The following NTNG1 variants were observed in gnomAD, a reference collection of about 807,000 sequenced individuals.
NTNG1 encodes netrin-G1.
NTNG1 carries 16 observed loss-of-function variants against 54.0 expected under a neutral mutation model. The observed-to-expected ratio is 0.30, with a 90% confidence interval of 0.20 to 0.45. The LOEUF (loss-of-function observed/expected upper bound fraction) is 0.45, where lower values mean the gene tolerates loss of function less well. Ranked by LOEUF, NTNG1 falls within the 20% of genes least tolerant of loss-of-function variation. The pLI, the probability that NTNG1 is intolerant of heterozygous loss-of-function variation, is 1.00. For synonymous variants in NTNG1, 255 were observed against 263.1 expected (o/e 0.97, Z 0.30); for missense variants, 530 against 678.7 (o/e 0.78, Z 2.43).
intron 2 of NTNG1, among the ~76,000 whole-genome samples, chr1:107,305,832 C>A (rs1312940716): frequency 1.3e-5 from 2 of 152,098 alleles, no homozygotes; most frequent in Non-Finnish European, 2.9e-5. Context: ...ATATCCAGAA[C>A]TTTTTATTGT....
intron 2 of NTNG1, among the ~76,000 whole-genome samples, chr1:107,261,896 T>A (rs1177901292): frequency 6.6e-6 from 1 of 152,190 alleles, no homozygotes; most frequent in Non-Finnish European, 1.5e-5. Context: ...AAGACATCAT[T>A]TGTGAATTCC....
intron 2 of NTNG1, among the ~76,000 whole-genome samples, chr1:107,180,033 C>T (rs1656952878): frequency 6.6e-6 from 1 of 152,090 alleles, no homozygotes; most frequent in African/African-American, 2.4e-5. Flanking sequence ...CTATTGAAAC[C>T]CTTGCTTCCT....
At chr1:107,315,394 A>C (rs1178455115) in intron 2 of NTNG1, among the ~76,000 whole-genome samples, 11 of 152,164 alleles carry the variant, frequency 7.2e-5, no homozygotes, top group Non-Finnish European at 7.3e-5. Flanking sequence ...TTGAAAATGT[A>C]AATCAAATTG....
At chr1:107,265,004 C>T (rs1663637877) in intron 2 of NTNG1, among the ~76,000 whole-genome samples, 1 of 152,312 alleles carries the variant, frequency 6.6e-6, no homozygotes, top group East Asian at 1.9e-4. Flanking sequence ...GTTCACCTCC[C>T]CCCGTCAGTG....
At chr1:107,404,876 C>T (rs1673303531) in intron 4 of NTNG1, among the ~76,000 whole-genome samples, 1 of 152,146 alleles carries the variant, frequency 6.6e-6, no homozygotes, top group East Asian at 1.9e-4. Context: ...TGTCAATTCA[C>T]AGAGAATGCT....
At chr1:107,437,307 C>T (rs1173202063) in intron 7 of NTNG1, among the ~76,000 whole-genome samples, 1 of 152,054 alleles carries the variant, frequency 6.6e-6, no homozygotes, top group African/African-American at 2.4e-5. Context: ...AAATAAATGG[C>T]AAAAATCGAT....
intron 3 of NTNG1, among the ~76,000 whole-genome samples, chr1:107,335,783 T>C (rs931871766): frequency 4.6e-5 from 7 of 151,966 alleles, no homozygotes; most frequent in Non-Finnish European, 8.8e-5. Context: ...AGTGCTTCTA[T>C]ACACTAACAA....
chr1:107,265,412 T>C (rs1431952882), intron 2 of NTNG1, among the ~76,000 whole-genome samples: 1 of 152,112 alleles, frequency 6.6e-6, no homozygotes, highest in African/African-American at 2.4e-5. Flanking sequence ...TGAATTAAAA[T>C]GAGAGTCTGG....
chr1:107,211,793 A>G (rs1477556783), intron 2 of NTNG1, among the ~76,000 whole-genome samples: 3 of 152,148 alleles, frequency 2.0e-5, no homozygotes, highest in Admixed American at 6.6e-5. Flanking sequence ...TTGTTCTTTC[A>G]TTGCACCTGT....
Position 107,482,308 on chromosome 1 carries a change from A to G in NTNG1, c.*1468A>G, listed in dbSNP as rs1050500986. 3.4e-4 allele frequency: 51 copies of G among 152,196 alleles called. No homozygotes were observed. Among genetic ancestry groups the G allele is most frequent in the African/African-American group, 1.2e-3 (50 of 41,458 alleles). 9.4% of individuals were successfully genotyped at this position (152,196 alleles called of 1,614,324 possible). On this transcript the variant is annotated 3_prime_UTR_variant, in exon 8 of 8. Coordinates refer to ENST00000370068, the MANE Select transcript of NTNG1 (RefSeq NM_001113226.3). ...AGTGATTTGCAATTTGACTTTGAAT[A>G]TATTCAGACTTAAGTATTTAGAGGA...
chr1:107,439,243 GT>G (rs1675803343), intron 7 of NTNG1, among the ~76,000 whole-genome samples: 1 of 150,958 alleles, frequency 6.6e-6, no homozygotes, highest in Non-Finnish European at 1.5e-5. Context: ...TTGGGTAAAC[GT>G]GATTGAGCTA....
At chr1:107,360,165 A>G (rs534447981) in intron 3 of NTNG1, among the ~76,000 whole-genome samples, 2 of 152,288 alleles carry the variant, frequency 1.3e-5, no homozygotes, top group African/African-American at 4.8e-5. Context: ...TTTTAGGAAA[A>G]TGTTTAGTGG....
At position 107,395,478 on chromosome 1, in the gene NTNG1, T is replaced by C. The variant is rs748947197; in HGVS notation, c.1060+152T>C. The C allele has an allele frequency of 7.7e-6, 6 of 781,764 alleles. No homozygotes were observed. In the Admixed American group the frequency reaches 1.0e-4, roughly 13 times the overall value. 48.4% of individuals were successfully genotyped at this position (781,764 alleles called of 1,614,324 possible). A position where few individuals can be genotyped will look rare whatever the true frequency, so the allele number is the denominator to read the frequency against. The stretch of plus-strand genomic sequence containing the variant: ...AAGTTTCAGTCCCTATCTTACCTCA[T>C]GTAGACATCTTTTAGCACTCTGATC... On this transcript the variant is annotated intron_variant, in intron 4 of 7. Coordinates refer to ENST00000370068, the MANE Select transcript of NTNG1 (RefSeq NM_001113226.3).
chr1:107,369,376 A>G (rs978671188), intron 3 of NTNG1, among the ~76,000 whole-genome samples: 1 of 152,176 alleles, frequency 6.6e-6, no homozygotes, highest in African/African-American at 2.4e-5. Context: ...AGTGTATGAG[A>G]GTTCCAGTTC....
chr1:107,141,450 G>A (rs1376447393), intron 1 of NTNG1: 2 of 151,078 alleles, frequency 1.3e-5, no homozygotes, highest in East Asian at 2.0e-4. Context: ...AAGGGCAAAC[G>A]AGCCACACGG....
chr1:107,480,884 G>A lies in NTNG1; in HGVS notation c.*44G>A. 2.1e-6 allele frequency: 3 copies of A among 1,440,940 alleles called. No homozygotes were observed. The highest frequency in any genetic ancestry group is 2.5e-5 in the East Asian group (1 of 40,024). 89.3% of individuals were successfully genotyped at this position (1,440,940 alleles called of 1,614,324 possible). On this transcript the variant is annotated 3_prime_UTR_variant, in exon 8 of 8. Transcript: ENST00000370068. ...CCGGACGGGCCTGTGCCGTGGGGAA[G>A]CAGACACAACCCAAACATTTGCTAC...
intron 3 of NTNG1, among the ~76,000 whole-genome samples, chr1:107,388,434 C>A (rs1672152870): frequency 6.6e-6 from 1 of 152,188 alleles, no homozygotes; most frequent in Admixed American, 6.5e-5. Context: ...AGGCAGGCTG[C>A]CCATGGTCTA....
intron 4 of NTNG1, 37 bp from the exon 5 acceptor site, chr1:107,407,645 G>A: frequency 6.5e-7 from 1 of 1,538,096 alleles, no homozygotes; most frequent in South Asian, 1.2e-5. Context: ...CTAATAAATA[G>A]CTAACAGCTT....
At chr1:107,296,053 A>T (rs1665926193) in intron 2 of NTNG1, among the ~76,000 whole-genome samples, 1 of 152,058 alleles carries the variant, frequency 6.6e-6, no homozygotes, top group East Asian at 1.9e-4. Flanking sequence ...CCTCTTAATG[A>T]TGGTATTACT....
Sources: allele counts gnomAD v4.1 joint callset (sites outside exome capture counted in the v4.1 genomes callset), GRCh38; gene constraint gnomAD v4.1.1; transcripts MANE v1.5; gene names NCBI Gene and HGNC (gene_info 2026-07-23, HGNC 2026-07-21).